ZC3H12B: variants seen among roughly 807,000 people sequenced by gnomAD.
ZC3H12B encodes probable ribonuclease ZC3H12B.
Under a neutral mutation model 43.9 loss-of-function variants are expected in ZC3H12B, and 7 were observed. That is an observed-to-expected ratio of 0.16 (90% CI 0.09 to 0.30). The LOEUF (loss-of-function observed/expected upper bound fraction) is 0.30, where lower values mean the gene tolerates loss of function less well. ZC3H12B is among the 10% of genes least tolerant of loss of function. The pLI, the probability that ZC3H12B is intolerant of heterozygous loss-of-function variation, is 1.00. For synonymous variants in ZC3H12B, 222 were observed against 241.7 expected, an observed-to-expected ratio of 0.92 and a Z score of 0.76; for missense variants, 475 against 670.2, an observed-to-expected ratio of 0.71 and a Z score of 3.22.
chrX:65,241,476 G>T, the ZC3H12B span, among the ~76,000 whole-genome samples: 1 of 111,555 alleles, frequency 9.0e-6, no homozygotes, highest in African/African-American at 3.3e-5. Flanking sequence ...ATCCCTGGAA[G>T]AGATCAGAGT....
chrX:65,386,639 A>G (rs1266687310), intron 2 of ZC3H12B, among the ~76,000 whole-genome samples: 2 of 110,578 alleles, frequency 1.8e-5, no homozygotes, highest in Non-Finnish European at 3.8e-5. Context: ...TTGTGTCTCT[A>G]TTTCCTTCAG....
chrX:65,362,203 G>A (rs946311196), upstream of ZC3H12B, among the ~76,000 whole-genome samples: 3 of 111,592 alleles, frequency 2.7e-5, no homozygotes, highest in East Asian at 2.8e-4. Flanking sequence ...CTGCCCGATC[G>A]CCTCAAAAGC....
chrX:65,130,993 G>A, the ZC3H12B span, among the ~76,000 whole-genome samples: 1 of 112,107 alleles, frequency 8.9e-6, no homozygotes, highest in Non-Finnish European at 1.9e-5. Context: ...TTATTAAAGA[G>A]GCATTAATGA....
At chrX:65,456,787 C>T (rs1467268650) in intron 3 of ZC3H12B, among the ~76,000 whole-genome samples, 8 of 109,049 alleles carry the variant, frequency 7.3e-5, no homozygotes, top group African/African-American at 1.3e-4. Context: ...GATCTCGGCT[C>T]GCTACAACCT....
At chrX:65,152,814 G>A in the ZC3H12B span, among the ~76,000 whole-genome samples, 8 of 111,631 alleles carry the variant, frequency 7.2e-5, no homozygotes, top group Non-Finnish European at 1.1e-4. Flanking sequence ...GAGACATCAC[G>A]CTACCTGACT....
chrX:65,352,740 G>A, the ZC3H12B span, among the ~76,000 whole-genome samples: 2 of 111,940 alleles, frequency 1.8e-5, no homozygotes, highest in East Asian at 5.6e-4. Context: ...TTCCAACAAT[G>A]TATGCTCACT....
At chrX:65,373,933 GTA>G (rs373674113) in intron 2 of ZC3H12B, among the ~76,000 whole-genome samples, 1,773 of 41,241 alleles carry the variant, frequency 0.043, 97 homozygotes, top group Non-Finnish European at 0.053. Flanking sequence ...TATATATATA[GTA>G]TATATATATA....
chrX:65,311,622 G>C, the ZC3H12B span, among the ~76,000 whole-genome samples: 3 of 111,636 alleles, frequency 2.7e-5, no homozygotes, highest in East Asian at 8.4e-4. Flanking sequence ...AATACCATTT[G>C]ACCCAGCGAT....
At chrX:65,230,418 A>T in the ZC3H12B span, among the ~76,000 whole-genome samples, 1 of 109,496 alleles carries the variant, frequency 9.1e-6, no homozygotes, top group Non-Finnish European at 1.9e-5. Flanking sequence ...TAGCATTAGG[A>T]GATATACCTA....
chrX:65,118,487 A>G, the ZC3H12B span, among the ~76,000 whole-genome samples: 3 of 111,028 alleles, frequency 2.7e-5, no homozygotes, highest in Non-Finnish European at 5.7e-5. Context: ...TTTTCTAAAT[A>G]TTTAGAAATG....
chrX:65,455,436 A>G (rs759612089), intron 3 of ZC3H12B, among the ~76,000 whole-genome samples: 192 of 112,128 alleles, frequency 1.7e-3, no homozygotes, highest in African/African-American at 5.6e-3. Context: ...AAAAAAGAAT[A>G]AAAAGAAACG....
the ZC3H12B span, among the ~76,000 whole-genome samples, chrX:65,199,162 G>GT: frequency 3.7e-5 from 4 of 107,145 alleles, no homozygotes; most frequent in African/African-American, 6.8e-5. Flanking sequence ...ATACTTAATT[G>GT]TTTTTTATTA....
chrX:65,152,072 G>A, the ZC3H12B span, among the ~76,000 whole-genome samples: 1 of 111,540 alleles, frequency 9.0e-6, no homozygotes, highest in Non-Finnish European at 1.9e-5. Flanking sequence ...GGTATTGATG[G>A]GATGTATCTG....
At chrX:65,288,116 A>C in the ZC3H12B span, among the ~76,000 whole-genome samples, 2 of 110,399 alleles carry the variant, frequency 1.8e-5, no homozygotes, top group Non-Finnish European at 3.8e-5. Flanking sequence ...CGAGGAAGAT[A>C]CCGAAAATAT....
At chrX:65,390,955 A>G (rs2066607442) in intron 2 of ZC3H12B, among the ~76,000 whole-genome samples, 1 of 112,101 alleles carries the variant, frequency 8.9e-6, no homozygotes, top group Admixed American at 9.5e-5. Flanking sequence ...ATCGATGCAA[A>G]GAGACCAACA....
chrX:65,334,099 C>A, the ZC3H12B span, among the ~76,000 whole-genome samples: 1 of 111,878 alleles, frequency 8.9e-6, no homozygotes, highest in Non-Finnish European at 1.9e-5. Context: ...CTTAATAAAA[C>A]CTTATAGACA....
intron 3 of ZC3H12B, among the ~76,000 whole-genome samples, chrX:65,405,628 T>A (rs1476629875): frequency 9.0e-6 from 1 of 110,507 alleles, no homozygotes; most frequent in Non-Finnish European, 1.9e-5. Context: ...TCAGAAATAA[T>A]AATAATAATA....
At chrX:65,072,967 A>G in the ZC3H12B span, among the ~76,000 whole-genome samples, 2 of 112,624 alleles carry the variant, frequency 1.8e-5, no homozygotes, top group Non-Finnish European at 3.8e-5. Context: ...CCCTTTGCAC[A>G]TTCACACAGG....
At chrX:65,134,553 G>A in the ZC3H12B span, among the ~76,000 whole-genome samples, 304 of 111,584 alleles carry the variant, frequency 2.7e-3, 3 homozygotes, top group African/African-American at 9.5e-3. Context: ...GGAGAAGAGA[G>A]TGAAAAGACC....
Sources: gnomAD v4.1 joint callset for allele counts (sites outside exome capture counted in the v4.1 genomes callset) on GRCh38, gnomAD v4.1.1 for gene constraint, MANE v1.5 for transcripts, NCBI Gene and HGNC (gene_info 2026-07-23, HGNC 2026-07-21) for gene names.